The following GRID2 variants were observed in gnomAD, a reference collection of about 807,000 sequenced individuals.
GRID2 encodes the protein glutamate receptor ionotropic, delta-2.
Under a neutral mutation model 114.8 loss-of-function variants are expected in GRID2, and 33 were observed. That is an observed-to-expected ratio of 0.29 (90% CI 0.22 to 0.38). GRID2 has a LOEUF of 0.38. Among genes scored for constraint, GRID2 ranks in the 10% least tolerant of loss-of-function variants. The pLI, the probability that GRID2 is intolerant of heterozygous loss-of-function variation, is 1.00. For synonymous variants in GRID2, 505 were observed against 449.9 expected, an observed-to-expected ratio of 1.12 and a Z score of -1.55; for missense variants, 1,184 against 1,257.7, an observed-to-expected ratio of 0.94 and a Z score of 0.89.
At position 93,395,642 on chromosome 4, in the gene GRID2, G is replaced by A. The variant is rs757221965; in HGVS notation, c.1281G>A (p.Gly427=). 6 of 1,583,334 alleles carry A rather than the reference G, an allele frequency of 3.8e-6. No homozygotes were observed. The Admixed American group carries it at 1.0e-4, about 26-fold the overall frequency. ...GGAATCCTGTCACAGGTCTGAATGG[G>A]TCACTGACTGACAAGAAATTGGAGA... ...GCWNPVTGLN[G]SLTDKKLENN... Residue 427 remains glycine, a synonymous_variant, in exon 9 of 16, where the codon GGG becomes GGA. Coordinates refer to ENST00000282020, the MANE Select transcript of GRID2 (RefSeq NM_001510.4).
At chr4:93,283,986 G>T (rs1752900837) in intron 8 of GRID2, among the ~76,000 whole-genome samples, 1 of 152,044 alleles carries the variant, frequency 6.6e-6, no homozygotes, top group Non-Finnish European at 1.5e-5. Context: ...AAGTGTTAAA[G>T]ATTTTATAGT....
chr4:93,514,421 G>A (rs889091488), intron 12 of GRID2, among the ~76,000 whole-genome samples: 4 of 66,258 alleles, frequency 6.0e-5, no homozygotes, highest in Non-Finnish European at 1.5e-4. Context: ...CACCTCCACA[G>A]TACACACACA....
chr4:93,179,749 C>T (rs1739706366), intron 4 of GRID2, among the ~76,000 whole-genome samples: 1 of 152,050 alleles, frequency 6.6e-6, no homozygotes, highest in African/African-American at 2.4e-5. Flanking sequence ...CAAGGTACCA[C>T]AAAAATAGTA....
intron 9 of GRID2, among the ~76,000 whole-genome samples, chr4:93,407,146 CA>C (rs1766536786): frequency 6.6e-6 from 1 of 152,100 alleles, no homozygotes; most frequent in Non-Finnish European, 1.5e-5. Context: ...TTCAAAGGCA[CA>C]GTAAGAGGTT....
chr4:93,224,880 A>G, intron 7 of GRID2, 105 bp downstream of exon 7: 1 of 774,548 alleles, frequency 1.3e-6, no homozygotes, highest in Non-Finnish European at 2.1e-6. Flanking sequence ...TAAGCACAAA[A>G]CAGTGTAATG....
At chr4:92,848,343 C>T (rs951338916) in intron 2 of GRID2, among the ~76,000 whole-genome samples, 2 of 151,798 alleles carry the variant, frequency 1.3e-5, no homozygotes, top group African/African-American at 4.8e-5. Context: ...TACTGCCTTC[C>T]CTTCCTGCCT....
At chr4:92,517,643 A>G (rs1174279781) in intron 1 of GRID2, among the ~76,000 whole-genome samples, 2 of 151,904 alleles carry the variant, frequency 1.3e-5, no homozygotes, top group Admixed American at 1.3e-4. Context: ...AATTCAGAAG[A>G]CTGTGCCTTC....
At chr4:92,399,095 T>C (rs1237023471) in intron 1 of GRID2, among the ~76,000 whole-genome samples, 1 of 152,214 alleles carries the variant, frequency 6.6e-6, no homozygotes, top group Non-Finnish European at 1.5e-5. Flanking sequence ...TTTACTTTCA[T>C]GAAAACACAC....
chr4:92,977,072 A>G lies in GRID2; in HGVS notation c.245-107923A>G, dbSNP rs974444690. On this transcript the variant is annotated intron_variant, in intron 2 of 15. Transcript: ENST00000282020. ...AATCAGTAAATATTTATAGAAAGTAATATGTATTGGGCTCTGGGAAACTCA... is the reference window on the plus strand; with the variant it reads ...AATCAGTAAATATTTATAGAAAGTAGTATGTATTGGGCTCTGGGAAACTCA... Among the ~76,000 whole-genome samples, 3 of 152,294 alleles carry G rather than the reference A, an allele frequency of 2.0e-5. No individual in the cohort carries two copies. The East Asian group carries it at 5.8e-4, about 29-fold the overall frequency.
chr4:93,310,755 AT>A (rs1241423399), intron 8 of GRID2, among the ~76,000 whole-genome samples: 1 of 152,156 alleles, frequency 6.6e-6, no homozygotes, highest in African/African-American at 2.4e-5. Flanking sequence ...CAGAAATGAG[AT>A]TTTATTAAAT....
rs531502512 is a variant in GRID2 at position 93,008,129 on chromosome 4, G to T, written c.245-76866G>T. ...AGTAGCCTAAATAACGGAAACAATG[G>T]ACTAAATGGACTAAGAGCTTTGTAA... On this transcript the variant is annotated intron_variant, in intron 2 of 15. Coordinates refer to ENST00000282020, the MANE Select transcript of GRID2 (RefSeq NM_001510.4). Among the ~76,000 whole-genome samples the T allele has an allele frequency of 2.6e-5, 4 of 151,944 alleles. 1 individual carries two copies. Among genetic ancestry groups the T allele is most frequent in the African/African-American group, 9.6e-5 (4 of 41,452 alleles).
intron 10 of GRID2, among the ~76,000 whole-genome samples, chr4:93,424,289 A>G (rs909791993): frequency 2.0e-5 from 3 of 151,774 alleles, no homozygotes; most frequent in Admixed American, 6.6e-5. Flanking sequence ...TTCCTTACAT[A>G]TATTTGAGCT....
At chr4:92,460,053 T>TATATATACACAC (rs1032538170) in intron 1 of GRID2, among the ~76,000 whole-genome samples, 2 of 99,804 alleles carry the variant, frequency 2.0e-5, no homozygotes, top group African/African-American at 7.8e-5. Context: ...TATATATATA[T>TATATATACACAC]ACACACACAA....
At chr4:92,831,543 A>G (rs1032471497) in intron 2 of GRID2, among the ~76,000 whole-genome samples, 1 of 151,742 alleles carries the variant, frequency 6.6e-6, no homozygotes, top group Non-Finnish European at 1.5e-5. Flanking sequence ...TAACTGGCAG[A>G]AAGCTTATTT....
chr4:92,443,616 C>T (rs1733255059), intron 1 of GRID2, among the ~76,000 whole-genome samples: 2 of 151,904 alleles, frequency 1.3e-5, no homozygotes, highest in African/African-American at 4.8e-5. Flanking sequence ...CTTGCCTCTC[C>T]TCTAGAAAAG....
intron 14 of GRID2, among the ~76,000 whole-genome samples, chr4:93,704,697 CAT>C (rs1215185908): frequency 2.0e-5 from 3 of 152,160 alleles, no homozygotes; most frequent in Non-Finnish European, 4.4e-5. Flanking sequence ...TAAGTGAGAA[CAT>C]GTGAAGTTTC....
At chr4:93,060,881 T>A (rs1248680958) in intron 2 of GRID2, among the ~76,000 whole-genome samples, 1 of 152,084 alleles carries the variant, frequency 6.6e-6, no homozygotes, top group Non-Finnish European at 1.5e-5. Context: ...GGCAGGTGGA[T>A]CACCTGAGGT....
rs1560490709 is a variant in GRID2, at chr4:93,316,320, G to GAAAGAAAGAAAGAAAGAAAA, written c.1245+77849_1245+77850insAAAAGAAAGAAAGAAAGAAA. ...AGAAAGAAAGAAAGAAAGAAAGAAA[G>GAAAGAAAGAAAGAAAGAAAA]AAAGAAAGAAAGAAAGAAAGAAGGA... On this transcript the variant is annotated intron_variant, in intron 8 of 15. Coordinates refer to ENST00000282020, the MANE Select transcript of GRID2 (RefSeq NM_001510.4). 7.2e-4 allele frequency among the ~76,000 whole-genome samples: 67 copies of GAAAGAAAGAAAGAAAGAAAA among 93,184 alleles called. 3 individuals carry two copies. The highest frequency in any genetic ancestry group is 1.4e-3 in the Non-Finnish European group (47 of 33,062). 61.1% of individuals were successfully genotyped at this position (93,184 alleles called of 152,430 possible).
At chr4:92,918,425 G>A (rs148074755) in intron 2 of GRID2, among the ~76,000 whole-genome samples, 1,639 of 152,184 alleles carry the variant, frequency 0.011, 23 homozygotes, top group African/African-American at 0.038. Context: ...TCCCTGTCTT[G>A]TACCAGTTTT....
Sources: allele counts gnomAD v4.1 joint callset (sites outside exome capture counted in the v4.1 genomes callset), GRCh38; gene constraint gnomAD v4.1.1; transcripts MANE v1.5; gene names NCBI Gene and HGNC (gene_info 2026-07-23, HGNC 2026-07-21).